Variants in INPP4B observed in about 807,000 individuals in gnomAD.
The protein encoded by INPP4B is inositol polyphosphate-4-phosphatase type II B.
Under a neutral mutation model 122.5 loss-of-function variants are expected in INPP4B, and 55 were observed. The observed-to-expected ratio is 0.45, with a 90% CI of 0.36 to 0.56. INPP4B has a LOEUF of 0.56. Among genes scored for constraint, INPP4B ranks in the 20% least tolerant of loss-of-function variants. INPP4B has a pLI of 0.00. For synonymous variants in INPP4B, 403 were observed against 388.7 expected, an observed-to-expected ratio of 1.04 and a Z score of -0.43; for missense variants, 1,000 against 1,097.7, an observed-to-expected ratio of 0.91 and a Z score of 1.26.
At chr4:142,614,784 G>T (rs921082853) in intron 2 of INPP4B, among the ~76,000 whole-genome samples, 1 of 151,832 alleles carries the variant, frequency 6.6e-6, no homozygotes, top group Non-Finnish European at 1.5e-5. Context: ...TAAACATATG[G>T]GAAAAATGCT....
chr4:142,258,153 T>G (rs902308104), intron 11 of INPP4B, among the ~76,000 whole-genome samples: 16 of 152,192 alleles, frequency 1.1e-4, no homozygotes, highest in African/African-American at 3.1e-4. Flanking sequence ...TAGCCATATG[T>G]AGAAAGCTGA....
intron 2 of INPP4B, among the ~76,000 whole-genome samples, chr4:142,620,298 A>T (rs1010974405): frequency 6.6e-6 from 1 of 152,052 alleles, no homozygotes; most frequent in African/African-American, 2.4e-5. Context: ...TGTGGTACAT[A>T]TACACCATGG....
chr4:142,723,223 C>T (rs188451709), intron 2 of INPP4B, among the ~76,000 whole-genome samples: 19 of 152,132 alleles, frequency 1.2e-4, no homozygotes, highest in Admixed American at 2.6e-4. Context: ...TCTTAATATG[C>T]TATTTCAATT....
intron 15 of INPP4B, among the ~76,000 whole-genome samples, chr4:142,189,262 A>G (rs995853960): frequency 3.9e-5 from 6 of 152,120 alleles, no homozygotes; most frequent in African/African-American, 1.2e-4. Context: ...TGCTCTCTAT[A>G]TTATTAATCT....
intron 2 of INPP4B, among the ~76,000 whole-genome samples, chr4:142,569,821 A>G (rs189551135): frequency 1.5e-3 from 232 of 152,258 alleles, no homozygotes; most frequent in Middle Eastern, 3.4e-3. Context: ...TCCTCTTACC[A>G]CTGACAAAGA....
chr4:142,778,439 A>T (rs1359809865), intron 1 of INPP4B, among the ~76,000 whole-genome samples: 2 of 152,172 alleles, frequency 1.3e-5, no homozygotes, highest in Non-Finnish European at 2.9e-5. Flanking sequence ...TTATTATTTT[A>T]AAAAATCAGC....
intron 7 of INPP4B, among the ~76,000 whole-genome samples, chr4:142,322,524 C>G (rs1184768897): frequency 6.6e-6 from 1 of 152,092 alleles, no homozygotes; most frequent in African/African-American, 2.4e-5. Context: ...AATCACATTT[C>G]TAGTCTATAA....
Position 142,075,752 on chromosome 4 carries a change from C to G in INPP4B, c.2642+6279G>C, listed in dbSNP as rs1045129132. ...AGACTTTAAGTCATCTCATTTATCACAACACTCACAAGAGGGCAATGGAGC... is the reference window on the plus strand; with the variant it reads ...AGACTTTAAGTCATCTCATTTATCAGAACACTCACAAGAGGGCAATGGAGC... On this transcript the variant is annotated intron_variant, in intron 25 of 25. Transcript: ENST00000262992. 1.1e-4 allele frequency among the ~76,000 whole-genome samples: 16 copies of G among 152,024 alleles called. No homozygotes were observed. In the East Asian group the frequency reaches 2.9e-3, roughly 28 times the overall value.
intron 25 of INPP4B, among the ~76,000 whole-genome samples, chr4:142,071,571 T>G (rs546982748): frequency 6.6e-6 from 1 of 152,110 alleles, no homozygotes; most frequent in East Asian, 1.9e-4. Context: ...GGGAGAAAAT[T>G]TTTACAATCT....
chr4:142,401,786 A>G (rs1263864799), intron 7 of INPP4B, among the ~76,000 whole-genome samples: 1 of 152,200 alleles, frequency 6.6e-6, no homozygotes, highest in African/African-American at 2.4e-5. Context: ...TATGGCTCAG[A>G]ATCTGCCTTC....
intron 2 of INPP4B, among the ~76,000 whole-genome samples, chr4:142,573,356 G>T (rs982367146): frequency 6.6e-6 from 1 of 151,948 alleles, no homozygotes; most frequent in South Asian, 2.1e-4. Flanking sequence ...TTAAAAAACC[G>T]TTCCTTCTCT....
chr4:142,304,785 A>G (rs1203154083), intron 9 of INPP4B, among the ~76,000 whole-genome samples: 2 of 152,160 alleles, frequency 1.3e-5, no homozygotes, highest in Non-Finnish European at 1.5e-5. Flanking sequence ...GAAAGTTACT[A>G]TATGATTAGA....
rs556851672 is a variant in INPP4B at position 142,516,060 on chromosome 4, A to C, written c.-190-53334T>G. On this transcript the variant is annotated intron_variant, in intron 2 of 25. Transcript: ENST00000262992. ...TTTTCCATCCAAAAATTTAATTCTC[A>C]AAGGGGCAATCCAGTCAGTCAACTT... is the stretch of plus-strand genomic sequence containing the variant. 2.0e-5 allele frequency among the ~76,000 whole-genome samples: 3 copies of C among 152,300 alleles called. No homozygotes were observed. The East Asian group carries it at 5.8e-4, about 29-fold the overall frequency.
intron 2 of INPP4B, among the ~76,000 whole-genome samples, chr4:142,656,716 G>A (rs559385028): frequency 2.7e-4 from 41 of 152,298 alleles, no homozygotes; most frequent in African/African-American, 8.9e-4. Flanking sequence ...AAGAATAAGA[G>A]GCTCTTCCCC....
At chr4:142,774,343 A>G (rs1448788156) in intron 1 of INPP4B, among the ~76,000 whole-genome samples, 1 of 152,118 alleles carries the variant, frequency 6.6e-6, no homozygotes, top group African/African-American at 2.4e-5. Context: ...TCTTTAGCAT[A>G]TGTCTGAAGA....
rs976559052 is a variant in INPP4B, at chr4:142,025,274, C to T, written c.*3508G>A. On this transcript the variant is annotated 3_prime_UTR_variant, in exon 26 of 26. Transcript: ENST00000262992. ...AGTCAGGAAGAGACCCACAGTAGCA[C>T]AATATTGTATCCTGTTTTCACTGTA... is the stretch of plus-strand genomic sequence containing the variant. The T allele has an allele frequency of 6.6e-6, 1 of 152,148 alleles. No homozygotes were observed. 9.4% of individuals were successfully genotyped at this position (152,148 alleles called of 1,614,324 possible).
intron 2 of INPP4B, among the ~76,000 whole-genome samples, chr4:142,608,675 A>AGG (rs1741825668): frequency 1.3e-5 from 2 of 151,980 alleles, no homozygotes; most frequent in Non-Finnish European, 2.9e-5. Context: ...TCTGTACAAC[A>AGG]CCCTCCAAGA....
In INPP4B at chr4:142,025,551, T is replaced by C. The variant is rs1322646356; in HGVS notation, c.*3231A>G. On this transcript the variant is annotated 3_prime_UTR_variant, in exon 26 of 26. Coordinates refer to ENST00000262992, the MANE Select transcript of INPP4B (RefSeq NM_001101669.3). ...AGTGGTATTGTGTCTCTTGGTACAC[T>C]ATCAACTTTTACATAGGGAGAGGTT... 6.6e-6 allele frequency: 1 copy of C among 152,208 alleles called. No individual in the cohort carries two copies. The highest frequency in any genetic ancestry group is 2.4e-5 in the African/African-American group (1 of 41,468). 9.4% of individuals were successfully genotyped at this position (152,208 alleles called of 1,614,324 possible).
At chr4:142,332,619 ACTGAGGC>A (rs1774966624) in intron 7 of INPP4B, among the ~76,000 whole-genome samples, 3 of 152,118 alleles carry the variant, frequency 2.0e-5, no homozygotes, top group African/African-American at 7.2e-5. Flanking sequence ...AGTTAAGAAA[ACTGAGGC>A]TATTGGTGGT....
Sources: gnomAD v4.1 joint callset for allele counts (sites outside exome capture counted in the v4.1 genomes callset) on GRCh38, gnomAD v4.1.1 for gene constraint, MANE v1.5 for transcripts, NCBI Gene and HGNC (gene_info 2026-07-23, HGNC 2026-07-21) for gene names.